The following CDK14 variants were observed in gnomAD, a reference collection of about 807,000 sequenced individuals.
CDK14 encodes cyclin dependent kinase 14.
Under a neutral mutation model 60.7 loss-of-function variants are expected in CDK14, and 34 were observed. The ratio of observed to expected loss-of-function variants is 0.56; its 90% CI spans 0.43 to 0.75. The LOEUF (loss-of-function observed/expected upper bound fraction) is 0.75. Among genes scored for constraint, CDK14 ranks in the 30% least tolerant of loss-of-function variants. The pLI, the probability that CDK14 is intolerant of heterozygous loss-of-function variation, is 0.00. For missense variants in CDK14, 482 were observed against 564.1 expected (o/e 0.85, Z 1.47); for synonymous variants, 197 against 203.7 (o/e 0.97, Z 0.28).
intron 9 of CDK14, among the ~76,000 whole-genome samples, chr7:90,959,103 A>G (rs1345757583): frequency 6.6e-6 from 1 of 152,080 alleles, no homozygotes; most frequent in Non-Finnish European, 1.5e-5. Context: ...ACTTTCTGCC[A>G]ATTTGCTTTG....
intron 2 of CDK14, among the ~76,000 whole-genome samples, chr7:90,690,017 G>C (rs753192128): frequency 2.6e-5 from 4 of 152,084 alleles, no homozygotes; most frequent in Non-Finnish European, 4.4e-5. Context: ...CTATATTGAT[G>C]CTCAAACTTA....
At chr7:90,902,849 G>T (rs1423906319) in intron 7 of CDK14, among the ~76,000 whole-genome samples, 2 of 152,026 alleles carry the variant, frequency 1.3e-5, no homozygotes, top group African/African-American at 4.8e-5. Flanking sequence ...CATCTGACGA[G>T]GGACTAATAT....
At chr7:91,113,620 T>A (rs1799532261) in intron 13 of CDK14, among the ~76,000 whole-genome samples, 2 of 152,204 alleles carry the variant, frequency 1.3e-5, no homozygotes, top group South Asian at 4.1e-4. Context: ...ACTGCATATA[T>A]ACATTAATAT....
intron 12 of CDK14, among the ~76,000 whole-genome samples, chr7:91,103,834 GAGAGAGAGAA>G (rs1427238303): frequency 1.4e-4 from 22 of 151,784 alleles, no homozygotes; most frequent in African/African-American, 4.9e-4. Context: ...CCGAGAGAGA[GAGAGAGAGAA>G]AGAGAGAGAG....
At chr7:90,733,430 T>A (rs940874443) in intron 3 of CDK14, among the ~76,000 whole-genome samples, 4 of 150,592 alleles carry the variant, frequency 2.7e-5, no homozygotes, top group African/African-American at 9.7e-5. Flanking sequence ...GATATTAAAG[T>A]TTCCTACTAT....
At chr7:91,191,227 A>T (rs1023883856) in intron 14 of CDK14, among the ~76,000 whole-genome samples, 35 of 152,074 alleles carry the variant, frequency 2.3e-4, no homozygotes, top group African/African-American at 8.2e-4. Flanking sequence ...ATGAAAGATC[A>T]CTTACCAAAC....
At chr7:90,979,832 A>T (rs1795182835) in intron 9 of CDK14, 1 of 152,228 alleles carries the variant, frequency 6.6e-6, no homozygotes, top group Admixed American at 6.5e-5. Flanking sequence ...TCAGATAATG[A>T]TAAATGTCAG....
chr7:91,024,038 G>A (rs1796502602), intron 10 of CDK14, among the ~76,000 whole-genome samples: 1 of 152,016 alleles, frequency 6.6e-6, no homozygotes, highest in South Asian at 2.1e-4. Context: ...CTCCCAAAGT[G>A]CTGGGATTAC....
intron 4 of CDK14, among the ~76,000 whole-genome samples, chr7:90,782,876 T>C (rs1221109071): frequency 6.6e-6 from 1 of 152,114 alleles, no homozygotes; most frequent in Non-Finnish European, 1.5e-5. Context: ...TGAAAATGTT[T>C]TAGGGACTAC....
In CDK14 at chr7:91,165,843, A is replaced by G. The variant is rs1801328885; in HGVS notation, c.*29-41322A>G. ...TATCAAAGTAATCAATCATAGATTT[A>G]TTGAGAAATATAAACATCAATGTTT... is the stretch of plus-strand genomic sequence containing the variant. On this transcript the variant is annotated intron_variant, in intron 14 of 14. Transcript: ENST00000380050. 2.6e-5 allele frequency among the ~76,000 whole-genome samples: 4 copies of G among 152,370 alleles called. No homozygotes were observed. In the South Asian group the frequency reaches 8.3e-4, roughly 32 times the overall value.
At chr7:90,974,373 C>T (rs1358301991) in intron 9 of CDK14, among the ~76,000 whole-genome samples, 5 of 152,074 alleles carry the variant, frequency 3.3e-5, no homozygotes, top group Admixed American at 2.6e-4. Flanking sequence ...ACATCCTCAG[C>T]TTATGAAGAT....
intron 9 of CDK14, among the ~76,000 whole-genome samples, chr7:90,962,449 G>A (rs182060218): frequency 6.4e-4 from 97 of 152,058 alleles, no homozygotes; most frequent in Non-Finnish European, 1.1e-3. Flanking sequence ...TCGCACCATC[G>A]CACTCCAGCC....
chr7:90,676,232 T>G (rs2116546961), intron 2 of CDK14, among the ~76,000 whole-genome samples: 1 of 152,262 alleles, frequency 6.6e-6, no homozygotes, highest in Admixed American at 6.5e-5. Flanking sequence ...GAGAACACAT[T>G]AAAGCAGGAA....
At chr7:90,725,511 T>C (rs1802606764) in intron 2 of CDK14, among the ~76,000 whole-genome samples, 1 of 152,192 alleles carries the variant, frequency 6.6e-6, no homozygotes, top group Admixed American at 6.5e-5. Context: ...AAAGTGTGTA[T>C]TCAAAAACTT....
At chr7:90,822,189 A>G (rs1355320744) in intron 5 of CDK14, among the ~76,000 whole-genome samples, 1 of 152,234 alleles carries the variant, frequency 6.6e-6, no homozygotes, top group Non-Finnish European at 1.5e-5. Flanking sequence ...CTAGGCTCAT[A>G]GTAGTGAATC....
intron 4 of CDK14, among the ~76,000 whole-genome samples, chr7:90,781,403 A>G (rs1004832855): frequency 5.3e-5 from 8 of 151,936 alleles, no homozygotes; most frequent in African/African-American, 1.9e-4. Context: ...TTTGCTGTGC[A>G]GAAGCTCTTT....
chr7:90,710,952 A>C (rs985898225), intron 2 of CDK14, among the ~76,000 whole-genome samples: 2 of 152,084 alleles, frequency 1.3e-5, no homozygotes, highest in Non-Finnish European at 2.9e-5. Flanking sequence ...CTTTATATGG[A>C]TCCACCTATT....
chr7:91,044,590 T>C (rs1797181188), intron 10 of CDK14, among the ~76,000 whole-genome samples: 1 of 152,206 alleles, frequency 6.6e-6, no homozygotes, highest in African/African-American at 2.4e-5. Flanking sequence ...TGGCCTGAGC[T>C]GGTTTTTCAG....
intron 7 of CDK14, among the ~76,000 whole-genome samples, chr7:90,909,970 T>C (rs1792838977): frequency 6.6e-6 from 1 of 152,154 alleles, no homozygotes; most frequent in Non-Finnish European, 1.5e-5. Flanking sequence ...GACAAACTCC[T>C]CCAGCTACTC....
Sources: allele counts gnomAD v4.1 joint callset (sites outside exome capture counted in the v4.1 genomes callset), GRCh38; gene constraint gnomAD v4.1.1; transcripts MANE v1.5; gene names NCBI Gene and HGNC (gene_info 2026-07-23, HGNC 2026-07-21).